The following WWOX variants were observed in gnomAD, a reference collection of about 807,000 sequenced individuals.
WWOX encodes the protein WW domain-containing oxidoreductase.
Under a neutral mutation model 46.2 loss-of-function variants are expected in WWOX, and 69 were observed. The ratio of observed to expected loss-of-function variants is 1.49; its 90% CI spans 1.23 to 1.82. The LOEUF is 1.82. Among genes scored for constraint, WWOX ranks in the 40% most tolerant of loss-of-function variants. WWOX has a pLI of 0.00. For missense variants in WWOX, 919 were observed against 542.6 expected (o/e 1.69, Z -6.89); for synonymous variants, 359 against 202.6 (o/e 1.77, Z -6.56).
intron 8 of WWOX, among the ~76,000 whole-genome samples, chr16:79,011,591 C>G (rs977049882): frequency 4.0e-5 from 6 of 151,682 alleles, no homozygotes; most frequent in African/African-American, 1.5e-4. Context: ...TCCCTGGGCT[C>G]AGTCGATCCT....
chr16:79,103,113 C>G (rs1312718162), intron 8 of WWOX, among the ~76,000 whole-genome samples: 2 of 152,186 alleles, frequency 1.3e-5, no homozygotes, highest in African/African-American at 2.4e-5. Context: ...GTGGTTAAGT[C>G]TCTGGGCATA....
At chr16:79,037,370 A>T (rs2047888438) in intron 8 of WWOX, among the ~76,000 whole-genome samples, 2 of 152,128 alleles carry the variant, frequency 1.3e-5, no homozygotes. Context: ...GGATATTCCT[A>T]GGGTCAGTTG....
intron 8 of WWOX, among the ~76,000 whole-genome samples, chr16:78,442,036 C>T (rs981468514): frequency 3.3e-5 from 5 of 150,698 alleles, no homozygotes; most frequent in Non-Finnish European, 5.9e-5. Context: ...GTTGAGGAGG[C>T]CAAGCTGGGA....
At chr16:78,123,632 A>G (rs1335321843) in intron 4 of WWOX, 1 of 150,278 alleles carries the variant, frequency 6.7e-6, no homozygotes, top group African/African-American at 2.4e-5. Context: ...TAATTTTTGT[A>G]TTTTTAGTAG....
intron 8 of WWOX, among the ~76,000 whole-genome samples, chr16:78,864,754 CTTTTTTTTTTTTTTT>C (rs57606576): frequency 1.5e-4 from 13 of 87,158 alleles, no homozygotes; most frequent in African/African-American, 1.9e-4. Context: ...TCTCCAACTC[CTTTTTTTTTTTTTTT>C]TTTTTTTTTT....
At chr16:79,188,812 C>G (rs1437516412) in intron 8 of WWOX, among the ~76,000 whole-genome samples, 1 of 152,170 alleles carries the variant, frequency 6.6e-6, no homozygotes, top group Non-Finnish European at 1.5e-5. Context: ...TTTGCTTTTC[C>G]TGGGGCTGCT....
intron 8 of WWOX, among the ~76,000 whole-genome samples, chr16:78,440,629 T>TAC (rs1478701395): frequency 1.4e-5 from 2 of 145,718 alleles, no homozygotes; most frequent in African/African-American, 5.4e-5. Flanking sequence ...TTTTTTCTTT[T>TAC]TTTTTGAGAC....
chr16:78,590,969 G>C (rs1391881004), intron 8 of WWOX, among the ~76,000 whole-genome samples: 1 of 152,060 alleles, frequency 6.6e-6, no homozygotes, highest in Non-Finnish European at 1.5e-5. Flanking sequence ...CTCCTCATTT[G>C]GTTGAGATGC....
intron 5 of WWOX, among the ~76,000 whole-genome samples, chr16:78,336,622 T>G (rs531807250): frequency 5.9e-5 from 9 of 151,904 alleles, no homozygotes; most frequent in Non-Finnish European, 1.2e-4. Flanking sequence ...AGTCCCCATC[T>G]GTACTTTGGG....
chr16:79,202,890 C>T (rs753870235), intron 8 of WWOX: 2 of 152,178 alleles, frequency 1.3e-5, no homozygotes, highest in Non-Finnish European at 2.9e-5. Flanking sequence ...GTAGTCAGCA[C>T]ATGCATATTT....
intron 8 of WWOX, among the ~76,000 whole-genome samples, chr16:78,650,859 C>T (rs529668770): frequency 8.5e-5 from 13 of 152,234 alleles, no homozygotes; most frequent in African/African-American, 1.2e-4. Flanking sequence ...CAGAATATTT[C>T]GGATTTATAT....
At chr16:78,649,074 A>G (rs577410164) in intron 8 of WWOX, among the ~76,000 whole-genome samples, 3 of 152,242 alleles carry the variant, frequency 2.0e-5, no homozygotes, top group African/African-American at 7.2e-5. Context: ...CCCAGGTTCA[A>G]GGGATTCTCC....
chr16:78,400,099 C>G (rs1182389788), intron 6 of WWOX, among the ~76,000 whole-genome samples: 1 of 152,098 alleles, frequency 6.6e-6, no homozygotes, highest in African/African-American at 2.4e-5. Flanking sequence ...ATAAACGGGA[C>G]CTCTCAATTA....
chr16:78,608,649 C>T (rs554836784), intron 8 of WWOX, among the ~76,000 whole-genome samples: 61 of 152,308 alleles, frequency 4.0e-4, no homozygotes, highest in Admixed American at 4.0e-3. Context: ...GTTCCATCTT[C>T]CTGTCAGTTG....
chr16:78,674,179 G>T (rs1313239592), intron 8 of WWOX, among the ~76,000 whole-genome samples: 2 of 151,842 alleles, frequency 1.3e-5, no homozygotes, highest in Non-Finnish European at 2.9e-5. Context: ...TATTGTTTTG[G>T]TTGGATGAAG....
At position 78,131,432 on chromosome 16, in the gene WWOX, C is replaced by T. The variant is rs993957494; in HGVS notation, c.409+16278C>T. Among the ~76,000 whole-genome samples, 11 of 152,202 alleles carry T rather than the reference C, an allele frequency of 7.2e-5. No individual in the cohort carries two copies. In the East Asian group the frequency reaches 2.1e-3, roughly 29 times the overall value. On this transcript the variant is annotated intron_variant, in intron 4 of 8. Transcript: ENST00000566780. ...GTCTTGCTATGTTGCCCATGCTGGT[C>T]TTGAACTCGTGGGCTCAAGCAGTAC...
At chr16:78,530,185 A>AC (rs2043587738) in intron 8 of WWOX, among the ~76,000 whole-genome samples, 1 of 152,032 alleles carries the variant, frequency 6.6e-6, no homozygotes, top group Admixed American at 6.5e-5. Context: ...GATGCCCGTG[A>AC]CCCCTGAAAC....
intron 5 of WWOX, among the ~76,000 whole-genome samples, chr16:78,348,859 A>G (rs1326876271): frequency 8.3e-6 from 1 of 120,000 alleles, no homozygotes; most frequent in Admixed American, 8.1e-5. Flanking sequence ...ATCTGTTGTT[A>G]GTGAGTTTTT....
intron 8 of WWOX, among the ~76,000 whole-genome samples, chr16:79,163,869 T>A (rs1272335768): frequency 3.6e-5 from 4 of 111,956 alleles, no homozygotes; most frequent in Admixed American, 1.1e-4. Flanking sequence ...AAAGCAACAG[T>A]AAGGAAGAGA....
Sources: gnomAD v4.1 joint callset for allele counts (sites outside exome capture counted in the v4.1 genomes callset) on GRCh38, gnomAD v4.1.1 for gene constraint, MANE v1.5 for transcripts, NCBI Gene and HGNC (gene_info 2026-07-23, HGNC 2026-07-21) for gene names.